The following KIF1C variants were observed in gnomAD, a reference collection of about 807,000 sequenced individuals.
KIF1C encodes the protein kinesin family member 1C.
A neutral mutation model predicts 126.5 loss-of-function variants in KIF1C; 61 were observed. That is an observed-to-expected ratio of 0.48 (90% confidence interval 0.39 to 0.60). The LOEUF (loss-of-function observed/expected upper bound fraction) is 0.60, where lower values mean the gene tolerates loss of function less well. Ranked by LOEUF, KIF1C falls within the 20% of genes least tolerant of loss-of-function variation. KIF1C has a pLI of 0.00. For synonymous variants in KIF1C, 640 were observed against 580.6 expected (o/e 1.10, Z -1.47); for missense variants, 1,315 against 1,489.2 (o/e 0.88, Z 1.93).
Position 5,014,819 on chromosome 17 carries a change from C to A in KIF1C, c.1648C>A (p.Pro550Thr), listed in dbSNP as rs753932855. ...REQHCLFRSI[P>T]QPDGEVVVTL... ...GCAACACTGTCTGTTCCGGAGCATC[C>A]CCCAGCCAGATGGAGAAGGTAATGG... is the stretch of plus-strand genomic sequence containing the variant. Residue 550 changes from proline (P) to threonine (T), a missense_variant, in exon 18 of 23, where the codon CCC becomes ACC. By Grantham distance (38) the Pro-to-Thr change is conservative (BLOSUM62 -1). Around this residue, in one of 2 missense-constraint regions of KIF1C, gnomAD observed 874 missense variants for 1,053.2 expected, o/e 0.83. Transcript: ENST00000320785. The A allele has an allele frequency of 1.3e-6, 2 of 1,596,170 alleles. No individual in the cohort carries two copies. Among genetic ancestry groups the A allele is most frequent in the South Asian group, 2.3e-5 (2 of 87,476 alleles).
Position 5,022,431 on chromosome 17 carries a change from C to T in KIF1C, c.2350C>T (p.Arg784Cys), listed in dbSNP as rs771298564. 26 of 1,580,870 alleles carry T rather than the reference C, an allele frequency of 1.6e-5. No homozygotes were observed. The highest frequency in any genetic ancestry group is 4.6e-5 in the East Asian group (2 of 43,188). The change falls in exon 22 of 23, where the codon CGC becomes TGC. Residue 784 changes from arginine (R) to cysteine (C), a missense_variant. Arg to Cys is a radical substitution (Grantham distance 180, BLOSUM62 -3). Transcript: ENST00000320785. This position sits in a 1 kb window ranked among gnomAD's most constrained non-coding sequence, Gnocchi z 4.9. ...CGCCCTCAAGATGCGGGAGCTGTGT[C>T]GCACCTATGGCAAGCCAGACGGCCC... is the stretch of plus-strand genomic sequence containing the variant. ...LAALKMRELC[R>C]TYGKPDGPGD...
intron 16 of KIF1C, among the ~76,000 whole-genome samples, chr17:5,010,589 T>C (rs1354349142): frequency 3.3e-5 from 5 of 150,994 alleles, no homozygotes; most frequent in Non-Finnish European, 7.4e-5. Context: ...TCTACTAAAA[T>C]AGAAAAAATT....
chr17:5,002,370 C>T (rs1295509497), intron 6 of KIF1C, 94 bp from the exon 7 acceptor site: 9 of 1,221,210 alleles, frequency 7.4e-6, no homozygotes, highest in Admixed American at 4.0e-5. Context: ...GTATTAGCTG[C>T]AGTCACCTGG....
In KIF1C at chr17:5,006,924, C is replaced by T. The variant is rs775831145; in HGVS notation, c.1175C>T (p.Thr392Met). 1.9e-5 allele frequency: 30 copies of T among 1,610,686 alleles called. No individual in the cohort carries two copies. The highest frequency in any genetic ancestry group is 8.0e-5 in the African/African-American group (6 of 74,558). ...LSASALEGLK[T>M]EEGSVRGALP... ...TCTTTCTCCCTCCCAGGCCTGAAGA[C>T]GGAAGAAGGGAGTGTCAGAGGCGCC... Residue 392 changes from threonine (T) to methionine (M), a missense_variant, in exon 14 of 23, where the codon ACG becomes ATG. By Grantham distance (81) the Thr-to-Met change is moderately conservative (BLOSUM62 -1). Coordinates refer to ENST00000320785, the MANE Select transcript of KIF1C (RefSeq NM_006612.6).
intron 16 of KIF1C, among the ~76,000 whole-genome samples, chr17:5,009,911 TGTA>T (rs1471722860): frequency 6.6e-6 from 1 of 152,076 alleles, no homozygotes; most frequent in African/African-American, 2.4e-5. Flanking sequence ...CTCTAATAGT[TGTA>T]GTTGCATATC....
chr17:5,014,482 A>T (rs868115073), intron 17 of KIF1C, among the ~76,000 whole-genome samples: 1 of 152,016 alleles, frequency 6.6e-6, no homozygotes, highest in African/African-American at 2.4e-5. Flanking sequence ...CAGCTTCAAG[A>T]GAAGTTGGCG....
intron 11 of KIF1C, 94 bp from the exon 12 acceptor site, chr17:5,004,473 C>T (rs1974678245): frequency 1.7e-6 from 2 of 1,154,834 alleles, no homozygotes; most frequent in South Asian, 1.3e-5. Flanking sequence ...CCTGTAAGAC[C>T]TCTGCCTGGG....
chr17:5,005,265 A>G (rs1296482262), intron 13 of KIF1C, among the ~76,000 whole-genome samples: 1 of 152,260 alleles, frequency 6.6e-6, no homozygotes, highest in East Asian at 1.9e-4. Context: ...GTTACAGGAA[A>G]AAATGGCAAT....
At position 5,003,510 on chromosome 17, in the gene KIF1C, T is replaced by C. The variant is rs964334719; in HGVS notation, c.721-102T>C. 2.3e-5 allele frequency: 18 copies of C among 765,964 alleles called. No individual in the cohort carries two copies. The Admixed American group carries it at 4.6e-4, about 19-fold the overall frequency. 47.4% of individuals were successfully genotyped at this position (765,964 alleles called of 1,614,324 possible). ...TCCCTCGCCTCCTCCTGGCTCTCTCTAGCCCTTGCCAGCTGCCCACATTCC... is the reference window on the plus strand; with the variant it reads ...TCCCTCGCCTCCTCCTGGCTCTCTCCAGCCCTTGCCAGCTGCCCACATTCC... On this transcript the variant is annotated intron_variant, in intron 8 of 22. Coordinates refer to ENST00000320785, the MANE Select transcript of KIF1C (RefSeq NM_006612.6).
In KIF1C at chr17:5,003,843, T is replaced by C; in HGVS notation, c.799-8T>C. On this transcript the variant is annotated splice_region_variant and splice_polypyrimidine_tract_variant and intron_variant, in intron 9 of 22. Coordinates refer to ENST00000320785, the MANE Select transcript of KIF1C (RefSeq NM_006612.6). ...GGTCTCATCCCCACATTCCTCATCCTTTTCCAGGAAGGAGCCAACATCAAT... is the reference window on the plus strand; with the variant it reads ...GGTCTCATCCCCACATTCCTCATCCCTTTCCAGGAAGGAGCCAACATCAAT... The C allele has an allele frequency of 6.2e-7, 1 of 1,611,698 alleles. No individual in the cohort carries two copies. Among genetic ancestry groups the C allele is most frequent in the Non-Finnish European group, 8.5e-7 (1 of 1,177,864 alleles).
At chr17:4,998,325 G>A (rs1424131605) in intron 1 of KIF1C, among the ~76,000 whole-genome samples, 169 bp downstream of exon 1, 2 of 152,212 alleles carry the variant, frequency 1.3e-5, no homozygotes, top group Non-Finnish European at 2.9e-5. Context: ...CCGCCGGCTG[G>A]CTGGACAGGA....
At chr17:5,001,767 G>A (rs145761322) in intron 5 of KIF1C, among the ~76,000 whole-genome samples, 7 of 152,340 alleles carry the variant, frequency 4.6e-5, no homozygotes, top group South Asian at 4.1e-4. Context: ...TTGGGATAAC[G>A]GAGTTAACCA....
chr17:5,022,266 C>T lies in KIF1C; in HGVS notation c.2185C>T (p.Pro729Ser). ...GGCCCCTCGCAGGGTTTATCAGATC[C>T]CCCAGCGACGCAGGCTGCAGGGCAA... Reference protein sequence around the residue: ...RRAPRRVYQIPQRRRLQGKDP... With the variant: ...RRAPRRVYQISQRRRLQGKDP... Residue 729 changes from proline (P) to serine (S), a missense_variant, in exon 22 of 23, where the codon CCC (proline) becomes TCC (serine). By Grantham distance (74) the Pro-to-Ser change is moderately conservative. Coordinates refer to ENST00000320785, the MANE Select transcript of KIF1C (RefSeq NM_006612.6). The surrounding 1 kb of genome is among the most constrained non-coding windows in gnomAD (Gnocchi z 4.9). 6.2e-7 allele frequency: 1 copy of T among 1,614,132 alleles called. No homozygotes were observed. Among genetic ancestry groups the T allele is most frequent in the Non-Finnish European group, 8.5e-7 (1 of 1,180,032 alleles).
chr17:5,004,188 TC>T (rs1346486277), intron 11 of KIF1C, 115 bp downstream of exon 11: 3 of 821,526 alleles, frequency 3.7e-6, no homozygotes, highest in Non-Finnish European at 6.3e-6. Context: ...GTCTTACTTC[TC>T]CCCCTGACCC....
In KIF1C at chr17:5,023,947, AG is replaced by A; in HGVS notation, c.3113del (p.Gly1038AlafsTer50). 2 of 1,575,420 alleles carry A rather than the reference AG, an allele frequency of 1.3e-6. No homozygotes were observed. The highest frequency in any genetic ancestry group is 1.9e-5 in the Admixed American group (1 of 53,690). On this transcript the variant is annotated frameshift_variant, in exon 23 of 23. Transcript: ENST00000320785. LOFTEE classifies it high-confidence loss of function. This position sits in a 1 kb window ranked among gnomAD's most constrained non-coding sequence, Gnocchi z 4.2. The part of the protein sequence containing the change: ...HHPRRNSLDG[G>X]GRSRGAGSAQ... ...ATCCCCGCAGGAACTCCCTGGATGG[AG>A]GGGGCCGATCCCGGGGAGCGGGTTC...
Position 5,000,210 on chromosome 17 carries a change from T to C in KIF1C, c.-27-10T>C, listed in dbSNP as rs777486987. The stretch of plus-strand genomic sequence containing the variant: ...GTTCTGACCCCACCACTCCTTTCTC[T>C]GTCCTCCAGCTGAGGAGGGCAGGAG... On this transcript the variant is annotated splice_polypyrimidine_tract_variant and intron_variant, in intron 2 of 22. Transcript: ENST00000320785. 6.9e-7 allele frequency: 1 copy of C among 1,458,438 alleles called. No individual in the cohort carries two copies. The highest frequency in any genetic ancestry group is 1.2e-5 in the South Asian group (1 of 82,168). 90.3% of individuals were successfully genotyped at this position (1,458,438 alleles called of 1,614,324 possible).
In KIF1C at chr17:5,026,289, A is replaced by T. The variant is rs1975206738; in HGVS notation, c.*2138A>T. 1 of 152,232 alleles carries T rather than the reference A, an allele frequency of 6.6e-6. No homozygotes were observed. The highest frequency in any genetic ancestry group is 2.1e-4 in the South Asian group (1 of 4,828). 9.4% of individuals were successfully genotyped at this position (152,232 alleles called of 1,614,324 possible). A position where few individuals can be genotyped will look rare whatever the true frequency, so the allele number is the denominator to read the frequency against. On this transcript the variant is annotated 3_prime_UTR_variant, in exon 23 of 23. Coordinates refer to ENST00000320785, the MANE Select transcript of KIF1C (RefSeq NM_006612.6). ...GCCAGGGAGACTCAATGTGAGCAAGAAAATGATAGAATACCAAGTTTTCTG... is the reference window on the plus strand; with the variant it reads ...GCCAGGGAGACTCAATGTGAGCAAGTAAATGATAGAATACCAAGTTTTCTG...
chr17:5,024,348 CA>C lies in KIF1C; in HGVS notation c.*200del. The C allele has an allele frequency of 2.1e-6, 1 of 465,374 alleles. No homozygotes were observed. The highest frequency in any genetic ancestry group is 3.6e-5 in the East Asian group (1 of 27,952). 28.8% of individuals were successfully genotyped at this position (465,374 alleles called of 1,614,324 possible). A position where few individuals can be genotyped will look rare whatever the true frequency, so the allele number is the denominator to read the frequency against. ...GAAGAGGGCACGGAGTTGCCAGGAG[CA>C]AACCAAAGTGAAGAGAGAGATAGGA... On this transcript the variant is annotated 3_prime_UTR_variant, in exon 23 of 23. Coordinates refer to ENST00000320785, the MANE Select transcript of KIF1C (RefSeq NM_006612.6).
At chr17:5,003,038 C>CTT (rs576354046) in intron 8 of KIF1C, among the ~76,000 whole-genome samples, 196 bp downstream of exon 8, 13 of 140,324 alleles carry the variant, frequency 9.3e-5, no homozygotes, top group African/African-American at 1.8e-4. Context: ...GTTTGCTTGT[C>CTT]TTTTTTTTTT....
Sources: gnomAD v4.1 joint callset for allele counts (sites outside exome capture counted in the v4.1 genomes callset) on GRCh38, gnomAD v4.1.1 for gene constraint, gnomAD v4.1.1 regional missense constraint, Gnocchi (gnomAD v3.1) non-coding constraint, MANE v1.5 for transcripts, NCBI Gene and HGNC (gene_info 2026-07-23, HGNC 2026-07-21) for gene names.